GATM: variants seen among roughly 807,000 people sequenced by gnomAD.
GATM encodes the protein glycine amidinotransferase, mitochondrial.
Under a neutral mutation model 54.2 loss-of-function variants are expected in GATM, and 23 were observed. The observed-to-expected ratio is 0.42, with a 90% CI of 0.31 to 0.60. GATM has a LOEUF of 0.60. GATM is among the 20% of genes least tolerant of loss of function. The pLI is 0.14. For synonymous variants in GATM, 168 were observed against 183.1 expected (o/e 0.92, Z 0.67); for missense variants, 401 against 544.9 (o/e 0.74, Z 2.63).
At chr15:45,389,043 C>T (rs765522142) in intron 3 of GATM, among the ~76,000 whole-genome samples, 11 of 152,176 alleles carry the variant, frequency 7.2e-5, no homozygotes, top group Non-Finnish European at 1.5e-4. Flanking sequence ...TAACGTTTGG[C>T]AGATATAAAA....
At chr15:45,364,675 C>A in intron 7 of GATM, 122 bp downstream of exon 7, 1 of 885,796 alleles carries the variant, frequency 1.1e-6, no homozygotes, top group Non-Finnish European at 1.9e-6. Flanking sequence ...AGCACCACTT[C>A]ACACCTTACT....
chr15:45,374,890 A>T (rs72709088), intron 2 of GATM, among the ~76,000 whole-genome samples: 14,968 of 152,292 alleles, frequency 0.098, 837 homozygotes, highest in Middle Eastern at 0.25. Context: ...AATATTCAGG[A>T]AAAATTTAAG....
At chr15:45,389,025 C>T (rs1360100829) in intron 3 of GATM, among the ~76,000 whole-genome samples, 3 of 152,122 alleles carry the variant, frequency 2.0e-5, no homozygotes, top group Non-Finnish European at 2.9e-5. Context: ...TATAATTGTG[C>T]AAGACAGTAA....
At chr15:45,386,238 T>G (rs753093079) in intron 3 of GATM, among the ~76,000 whole-genome samples, 1 of 152,196 alleles carries the variant, frequency 6.6e-6, no homozygotes, top group Non-Finnish European at 1.5e-5. Context: ...CACATAAAAT[T>G]CTGGAAAGAA....
At chr15:45,377,748 T>C (rs1189640240) in intron 1 of GATM, 1 of 158,672 alleles carries the variant, frequency 6.3e-6, no homozygotes, top group South Asian at 1.8e-4. Context: ...ACTAGAAGCA[T>C]GGGAGGGTCT....
upstream of GATM, chr15:45,378,675 G>A: frequency 2.5e-6 from 1 of 399,164 alleles, no homozygotes; most frequent in South Asian, 4.7e-5. Flanking sequence ...GTCGGGAAGC[G>A]CCGCGGCCGC....
In GATM at chr15:45,378,428, C is replaced by A; in HGVS notation, c.26G>T (p.Gly9Val). 1.3e-6 allele frequency: 2 copies of A among 1,504,234 alleles called. No homozygotes were observed. The highest frequency in any genetic ancestry group is 1.2e-5 in the South Asian group (1 of 80,364). 93.2% of individuals were successfully genotyped at this position (1,504,234 alleles called of 1,614,324 possible). Residue 9 changes from glycine (G) to valine (V), a missense_variant, in exon 1 of 9, where the codon GGC (glycine) becomes GTC (valine). Gly to Val is a moderately radical substitution (Grantham distance 109). Coordinates refer to ENST00000396659, the MANE Select transcript of GATM (RefSeq NM_001482.3). ...CACCGCCTCGGCGCCGCGGCTCCCG[C>A]CGCGCAGACACCGCACCCGCAGCAT... is the stretch of plus-strand genomic sequence containing the variant. MLRVRCLRGGSRGAEAVHY... is the reference protein window; with the variant it reads MLRVRCLRVGSRGAEAVHY...
intron 3 of GATM, among the ~76,000 whole-genome samples, chr15:45,386,515 A>C (rs1227168330): frequency 6.6e-6 from 1 of 152,190 alleles, no homozygotes; most frequent in Non-Finnish European, 1.5e-5. Context: ...AAAACCTCCC[A>C]CAGCCACCTG....
rs185616035 is a variant in GATM at position 45,374,490 on chromosome 15, A to T, written c.288+2111T>A. Reference sequence around the variant, plus strand: ...ACTTAAAAAGACTACTATGCCTTTTAAAAACATGTGGATGGTGTATAAATT... The same window carrying T: ...ACTTAAAAAGACTACTATGCCTTTTTAAAACATGTGGATGGTGTATAAATT... On this transcript the variant is annotated intron_variant, in intron 2 of 8. Transcript: ENST00000396659. Among the ~76,000 whole-genome samples the T allele has an allele frequency of 3.3e-3, 497 of 152,372 alleles. 1 individual carries two copies. The highest frequency in any genetic ancestry group is 0.011 in the African/African-American group (474 of 41,586).
At chr15:45,384,226 C>T (rs1009531549) in intron 3 of GATM, among the ~76,000 whole-genome samples, 166 of 152,194 alleles carry the variant, frequency 1.1e-3, no homozygotes, top group African/African-American at 3.9e-3. Context: ...CATATTGTGT[C>T]GCATGCTGCC....
intron 1 of GATM, among the ~76,000 whole-genome samples, chr15:45,400,195 CTGGGT>C (rs1889982293): frequency 3.3e-5 from 5 of 152,158 alleles, no homozygotes; most frequent in Admixed American, 1.3e-4. Context: ...GCACTCAAGA[CTGGGT>C]GACAGAGCAA....
chr15:45,366,830 T>C (rs941546888), intron 4 of GATM, among the ~76,000 whole-genome samples: 5 of 152,232 alleles, frequency 3.3e-5, no homozygotes, highest in African/African-American at 7.2e-5. Flanking sequence ...AGAGACCACA[T>C]TCACCTAACT....
rs1388412043 is a variant in GATM at position 45,368,386 on chromosome 15, C to T, written c.485-126G>A. ...CACCACTTTGGGAGGCCAAGACGGG[C>T]GGATCACTTGATCCTCTTCAAGAGC... On this transcript the variant is annotated intron_variant, in intron 3 of 8. Coordinates refer to ENST00000396659, the MANE Select transcript of GATM (RefSeq NM_001482.3). The surrounding 1 kb of genome is among the most constrained non-coding windows in gnomAD (Gnocchi z 5.1). 1.0e-5 allele frequency: 8 copies of T among 770,774 alleles called. No homozygotes were observed. Among genetic ancestry groups the T allele is most frequent in the African/African-American group, 1.7e-5 (1 of 58,380 alleles). 47.7% of individuals were successfully genotyped at this position (770,774 alleles called of 1,614,324 possible). A position where few individuals can be genotyped will look rare whatever the true frequency, so the allele number is the denominator to read the frequency against.
At position 45,368,014 on chromosome 15, in the gene GATM, C is replaced by T; in HGVS notation, c.675+56G>A. The stretch of plus-strand genomic sequence containing the variant: ...GGTATCAGAGAATCTCTATCTTACT[C>T]TTTGTGGATCATTTAGAAAAGTTAG... On this transcript the variant is annotated intron_variant, in intron 4 of 8. Transcript: ENST00000396659. This position sits in a 1 kb window ranked among gnomAD's most constrained non-coding sequence, Gnocchi z 5.1. 6.7e-7 allele frequency: 1 copy of T among 1,482,620 alleles called. No homozygotes were observed. The allele number at this position is 1,482,620 out of a possible 1,614,324, so 91.8% of individuals were successfully genotyped here.
chr15:45,383,807 G>A (rs1215670510), intron 3 of GATM, among the ~76,000 whole-genome samples: 1 of 152,094 alleles, frequency 6.6e-6, no homozygotes, highest in South Asian at 2.1e-4. Flanking sequence ...CTCCCAAAGT[G>A]CTGGGATTAC....
upstream of GATM, chr15:45,378,593 G>A (rs533626184): frequency 4.7e-4 from 276 of 582,544 alleles, 2 homozygotes; most frequent in African/African-American, 4.6e-3. Flanking sequence ...CTCCGCCCCG[G>A]CCGCCCCCCG....
At chr15:45,397,522 T>C (rs1422426119) in intron 2 of GATM, among the ~76,000 whole-genome samples, 1 of 152,186 alleles carries the variant, frequency 6.6e-6, no homozygotes, top group Non-Finnish European at 1.5e-5. Flanking sequence ...ATGTGGTACA[T>C]ACCAACTCCA....
intron 2 of GATM, among the ~76,000 whole-genome samples, chr15:45,399,183 T>C (rs1160809538): frequency 6.6e-6 from 1 of 152,224 alleles, no homozygotes; most frequent in African/African-American, 2.4e-5. Flanking sequence ...TCGGTTTGGA[T>C]TTTGACCTAC....
At chr15:45,370,383 AAAAAAG>A (rs535152738) in intron 2 of GATM, among the ~76,000 whole-genome samples, 308 of 146,760 alleles carry the variant, frequency 2.1e-3, no homozygotes, top group African/African-American at 3.3e-3. Context: ...CTCAAAAAAA[AAAAAAG>A]AAAAAGAAAA....
Sources: allele counts gnomAD v4.1 joint callset (sites outside exome capture counted in the v4.1 genomes callset), GRCh38; gene constraint gnomAD v4.1.1; non-coding constraint Gnocchi (gnomAD v3.1); transcripts MANE v1.5; gene names NCBI Gene and HGNC (gene_info 2026-07-23, HGNC 2026-07-21).